Variants in RBFOX1 observed in about 807,000 individuals in gnomAD.
RBFOX1 encodes the protein RNA binding fox-1 homolog 1, also known as RNA binding protein fox-1 homolog 1.
In RBFOX1, 8 loss-of-function variants were observed where a neutral mutation model predicts 57.7. The observed-to-expected ratio is 0.14, with a 90% confidence interval of 0.08 to 0.25. The LOEUF (loss-of-function observed/expected upper bound fraction) is 0.25, where lower values mean the gene tolerates loss of function less well. Ranked by LOEUF, RBFOX1 falls within the 10% of genes least tolerant of loss-of-function variation. The pLI, the probability that RBFOX1 is intolerant of heterozygous loss-of-function variation, is 1.00. For missense variants in RBFOX1, 611 were observed against 548.5 expected (o/e 1.11, Z -1.14); for synonymous variants, 326 against 222.4 (o/e 1.47, Z -4.15).
chr16:7,658,363 G>A (rs1225298664), intron 12 of RBFOX1, among the ~76,000 whole-genome samples: 1 of 152,134 alleles, frequency 6.6e-6, no homozygotes, highest in Non-Finnish European at 1.5e-5. Context: ...TATGTAGATT[G>A]AAAATACAAT....
In RBFOX1 at chr16:6,981,042, C is replaced by CAAAAAAAAAAAAAAAAAAA. The variant is rs36117809; in HGVS notation, c.-15-70998_-15-70997insAAAAAAAAAAAAAAAAAAA. On this transcript the variant is annotated intron_variant, in intron 3 of 15. Transcript: ENST00000550418. ...TGGGTGGCAGAGCAAGTCTCAGTCT[C>CAAAAAAAAAAAAAAAAAAA]AAAAAAAAAAAAAAAAACACTAAAA... Among the ~76,000 whole-genome samples, 13 of 77,436 alleles carry CAAAAAAAAAAAAAAAAAAA rather than the reference C, an allele frequency of 1.7e-4. 1 individual carries two copies. The highest frequency in any genetic ancestry group is 8.7e-4 in the African/African-American group (11 of 12,684). 50.8% of individuals were successfully genotyped at this position (77,436 alleles called of 152,430 possible).
intron 1 of RBFOX1, among the ~76,000 whole-genome samples, chr16:6,089,790 A>G (rs559251395): frequency 1.8e-4 from 28 of 152,308 alleles, no homozygotes; most frequent in South Asian, 1.0e-3. Flanking sequence ...ATGAATGACA[A>G]TGACCACTGA....
At chr16:6,737,740 A>G (rs536331258) in intron 3 of RBFOX1, among the ~76,000 whole-genome samples, 68 of 152,322 alleles carry the variant, frequency 4.5e-4, no homozygotes, top group East Asian at 1.9e-4. Flanking sequence ...CAAATGATAT[A>G]TGGGATTTAA....
At chr16:5,503,356 T>C (rs1284057881) in intron 2 of RBFOX1, among the ~76,000 whole-genome samples, 1 of 152,238 alleles carries the variant, frequency 6.6e-6, no homozygotes, top group African/African-American at 2.4e-5. Flanking sequence ...CTCTTCTTTT[T>C]GGAATAGGTT....
At chr16:7,211,934 T>G (rs546702082) in intron 4 of RBFOX1, among the ~76,000 whole-genome samples, 36 of 152,100 alleles carry the variant, frequency 2.4e-4, no homozygotes, top group Non-Finnish European at 4.0e-4. Flanking sequence ...CGCCGTAAAT[T>G]GCCTTTTCCT....
At chr16:7,108,288 C>T (rs900387854) in intron 4 of RBFOX1, among the ~76,000 whole-genome samples, 1 of 152,124 alleles carries the variant, frequency 6.6e-6, no homozygotes, top group African/African-American at 2.4e-5. Flanking sequence ...AACATATATG[C>T]TCACAATCTC....
intron 1 of RBFOX1, among the ~76,000 whole-genome samples, chr16:6,093,306 G>A (rs1338951363): frequency 6.6e-6 from 1 of 152,106 alleles, no homozygotes; most frequent in Non-Finnish European, 1.5e-5. Context: ...AGGTGCAGTG[G>A]CTCGCACCTG....
intron 2 of RBFOX1, among the ~76,000 whole-genome samples, chr16:6,456,434 G>A (rs28456252): frequency 2.0e-5 from 3 of 152,256 alleles, no homozygotes; most frequent in African/African-American, 7.2e-5. Context: ...TCAGCCTCTA[G>A]AGTGGCTGCG....
intron 1 of RBFOX1, among the ~76,000 whole-genome samples, chr16:6,131,674 T>C (rs572239739): frequency 1.3e-5 from 2 of 152,220 alleles, no homozygotes; most frequent in Non-Finnish European, 2.9e-5. Context: ...CATAAAGGTA[T>C]TTTACTGACT....
intron 3 of RBFOX1, among the ~76,000 whole-genome samples, chr16:6,776,664 T>G (rs1263578280): frequency 6.7e-6 from 1 of 149,278 alleles, no homozygotes; most frequent in Non-Finnish European, 1.5e-5. Context: ...CATACCTGAA[T>G]TATTATAAAG....
chr16:7,317,215 A>T (rs1007697053), intron 4 of RBFOX1, among the ~76,000 whole-genome samples: 2 of 152,082 alleles, frequency 1.3e-5, no homozygotes, highest in African/African-American at 4.8e-5. Context: ...ACGTTTTGAA[A>T]ATCAAGCCTG....
intron 3 of RBFOX1, among the ~76,000 whole-genome samples, chr16:5,744,804 C>T (rs180780303): frequency 6.6e-6 from 1 of 152,144 alleles, no homozygotes; most frequent in African/African-American, 2.4e-5. Context: ...GTCGCCCAGG[C>T]TGGAGTGCAG....
At chr16:6,217,121 C>G (rs2097340588) in intron 1 of RBFOX1, among the ~76,000 whole-genome samples, 1 of 149,558 alleles carries the variant, frequency 6.7e-6, no homozygotes, top group South Asian at 2.1e-4. Context: ...TTGCTTCAGT[C>G]ATAGTCACCT....
intron 13 of RBFOX1, among the ~76,000 whole-genome samples, chr16:7,669,702 G>T (rs964887393): frequency 2.0e-5 from 3 of 152,196 alleles, no homozygotes; most frequent in Non-Finnish European, 4.4e-5. Context: ...AAACAAAGAG[G>T]TATCCTCATT....
At chr16:5,463,019 C>G (rs1458418980) in intron 1 of RBFOX1, among the ~76,000 whole-genome samples, 1 of 152,152 alleles carries the variant, frequency 6.6e-6, no homozygotes, top group Non-Finnish European at 1.5e-5. Flanking sequence ...ACATCTAATC[C>G]TTGGTCCATT....
chr16:7,369,138 C>T (rs569252705), intron 4 of RBFOX1, among the ~76,000 whole-genome samples: 46 of 152,172 alleles, frequency 3.0e-4, no homozygotes, highest in African/African-American at 1.1e-3. Flanking sequence ...ATTGGGGTAT[C>T]CCACTCCGGT....
intron 2 of RBFOX1, among the ~76,000 whole-genome samples, chr16:5,496,067 A>G (rs764847686): frequency 5.9e-5 from 9 of 152,208 alleles, no homozygotes; most frequent in Admixed American, 1.3e-4. Context: ...CAGGGGTTGC[A>G]GTGAGCCAAC....
At chr16:5,748,538 C>A (rs1288830506) in intron 3 of RBFOX1, among the ~76,000 whole-genome samples, 2 of 151,862 alleles carry the variant, frequency 1.3e-5, no homozygotes, top group East Asian at 1.9e-4. Context: ...TAAGGACTTT[C>A]TTTATGAATG....
intron 1 of RBFOX1, among the ~76,000 whole-genome samples, chr16:5,437,301 A>C (rs2067947229): frequency 6.6e-6 from 1 of 152,222 alleles, no homozygotes; most frequent in Non-Finnish European, 1.5e-5. Context: ...GCACAAAAGC[A>C]AACCAGCTTT....
Sources: allele counts gnomAD v4.1 joint callset (sites outside exome capture counted in the v4.1 genomes callset), GRCh38; gene constraint gnomAD v4.1.1; transcripts MANE v1.5; gene names NCBI Gene and HGNC (gene_info 2026-07-23, HGNC 2026-07-21).